CSMD1: variants seen among roughly 807,000 people sequenced by gnomAD.
The protein encoded by CSMD1 is CUB and sushi domain-containing protein 1.
CSMD1 carries 213 observed loss-of-function variants against 417.5 expected under a neutral mutation model. The observed-to-expected ratio is 0.51, with a 90% CI of 0.46 to 0.57. The LOEUF is 0.57. Among genes scored for constraint, CSMD1 ranks in the 20% least tolerant of loss-of-function variants. CSMD1 has a pLI of 0.00. For missense variants in CSMD1, 6,923 were observed against 4,529.7 expected, an observed-to-expected ratio of 1.53 and a Z score of -15.17; for synonymous variants, 2,862 against 1,736.8, an observed-to-expected ratio of 1.65 and a Z score of -16.11.
intron 5 of CSMD1, among the ~76,000 whole-genome samples, chr8:3,908,143 A>T (rs1392205462): frequency 6.6e-6 from 1 of 152,176 alleles, no homozygotes; most frequent in East Asian, 1.9e-4. Context: ...ATACATGGCA[A>T]TCACTATAAA....
rs182490711 is a variant in CSMD1, at chr8:3,767,723, C to T, written c.819-13681G>A. On this transcript the variant is annotated intron_variant, in intron 5 of 69. Transcript: ENST00000635120. ...ACAGTGTATGTCTACATATACTTTGCGTTAAGAGAAGTGAACCTTAAGATG... is the reference window on the plus strand; with the variant it reads ...ACAGTGTATGTCTACATATACTTTGTGTTAAGAGAAGTGAACCTTAAGATG... Among the ~76,000 whole-genome samples, 7 of 152,190 alleles carry T rather than the reference C, an allele frequency of 4.6e-5. No homozygotes were observed. The East Asian group carries it at 7.7e-4, about 17-fold the overall frequency.
At chr8:4,651,101 C>G (rs1304099597) in intron 1 of CSMD1, among the ~76,000 whole-genome samples, 1 of 151,966 alleles carries the variant, frequency 6.6e-6, no homozygotes, top group Non-Finnish European at 1.5e-5. Context: ...TAACATGATG[C>G]CAAGCGAATG....
chr8:3,948,459 C>G (rs954534416), intron 5 of CSMD1, among the ~76,000 whole-genome samples: 3 of 151,980 alleles, frequency 2.0e-5, no homozygotes, highest in South Asian at 2.1e-4. Context: ...GAATGTGACC[C>G]TTCTTTGGCA....
intron 6 of CSMD1, among the ~76,000 whole-genome samples, chr8:3,729,527 A>G (rs1802700343): frequency 6.6e-6 from 1 of 152,206 alleles, no homozygotes. Flanking sequence ...CCTGCCCAAG[A>G]GGAATCGAAG....
Position 3,155,359 on chromosome 8 carries a change from A to ATTTTTTTTTTTTTTTTTTTTTGTTTTT in CSMD1, c.5914+2537_5914+2538insAAAAACAAAAAAAAAAAAAAAAAAAAA, listed in dbSNP as rs1819455202. Reference sequence around the variant, plus strand: ...TTTTTCCTTCCAAATCAAGGCTGGGATTTTTTTTTTTTTTTTTTTTTTTTT... The same window carrying ATTTTTTTTTTTTTTTTTTTTTGTTTTT: ...TTTTTCCTTCCAAATCAAGGCTGGGATTTTTTTTTTTTTTTTTTTTTGTTTTTTTTTTTTTTTTTTTTTTTTTTTTTT... On this transcript the variant is annotated intron_variant, in intron 39 of 69. Coordinates refer to ENST00000635120, the MANE Select transcript of CSMD1 (RefSeq NM_033225.6). Among the ~76,000 whole-genome samples, 2 of 43,316 alleles carry ATTTTTTTTTTTTTTTTTTTTTGTTTTT rather than the reference A, an allele frequency of 4.6e-5. 1 individual carries two copies. Among genetic ancestry groups the ATTTTTTTTTTTTTTTTTTTTTGTTTTT allele is most frequent in the Non-Finnish European group, 9.4e-5 (2 of 21,376 alleles). The allele number at this position is 43,316 out of a possible 152,430, so 28.4% of individuals were successfully genotyped here. A position where few individuals can be genotyped will look rare whatever the true frequency, so the allele number is the denominator to read the frequency against.
At chr8:4,196,009 A>T (rs923615807) in intron 3 of CSMD1, among the ~76,000 whole-genome samples, 2 of 152,034 alleles carry the variant, frequency 1.3e-5, no homozygotes, top group African/African-American at 4.8e-5. Flanking sequence ...CATGCGATCG[A>T]GACCATCCTG....
At chr8:4,549,129 A>G (rs1797754681) in intron 2 of CSMD1, among the ~76,000 whole-genome samples, 1 of 152,124 alleles carries the variant, frequency 6.6e-6, no homozygotes, top group South Asian at 2.1e-4. Context: ...AAAAAATAGC[A>G]TCTTGCCCCA....
At chr8:2,945,890 G>T (rs181926520) in intron 68 of CSMD1, among the ~76,000 whole-genome samples, 48 of 152,282 alleles carry the variant, frequency 3.2e-4, no homozygotes, top group Admixed American at 9.8e-4. Flanking sequence ...CTTTGCACAT[G>T]TGATAAGCTA....
chr8:3,992,868 A>G (rs1333810841), intron 5 of CSMD1, among the ~76,000 whole-genome samples: 1 of 152,274 alleles, frequency 6.6e-6, no homozygotes, highest in Non-Finnish European at 1.5e-5. Flanking sequence ...GGTCTCCTCC[A>G]TATTCATAAA....
intron 40 of CSMD1, among the ~76,000 whole-genome samples, chr8:3,143,113 A>G (rs1465842363): frequency 6.6e-6 from 1 of 152,184 alleles, no homozygotes; most frequent in Non-Finnish European, 1.5e-5. Context: ...AACAACAACA[A>G]CAACAACAAT....
At chr8:4,923,949 T>C (rs993429655) in intron 1 of CSMD1, among the ~76,000 whole-genome samples, 27 of 152,216 alleles carry the variant, frequency 1.8e-4, no homozygotes, top group African/African-American at 5.5e-4. Flanking sequence ...TAGCAAGCTA[T>C]TCTCAACCTT....
chr8:4,245,080 G>A (rs977261666), intron 3 of CSMD1, among the ~76,000 whole-genome samples: 7 of 152,092 alleles, frequency 4.6e-5, no homozygotes, highest in African/African-American at 1.4e-4. Flanking sequence ...TTGCCAACCT[G>A]TCTGGAATGA....
intron 5 of CSMD1, among the ~76,000 whole-genome samples, chr8:3,975,167 G>T (rs997360320): frequency 6.6e-6 from 1 of 152,138 alleles, no homozygotes; most frequent in African/African-American, 2.4e-5. Flanking sequence ...TCATCTTACA[G>T]TATGATTTTC....
At chr8:3,198,752 C>A (rs1402753023) in intron 33 of CSMD1, among the ~76,000 whole-genome samples, 1 of 152,104 alleles carries the variant, frequency 6.6e-6, no homozygotes, top group African/African-American at 2.4e-5. Context: ...TGTTATACTC[C>A]ACCTTTTTAA....
rs1198054571 is a variant in CSMD1, at chr8:3,708,939, C to G, written c.932-448G>C. Among the ~76,000 whole-genome samples the G allele has an allele frequency of 2.6e-5, 4 of 152,088 alleles. No homozygotes were observed. The East Asian group carries it at 5.8e-4, about 22-fold the overall frequency. On this transcript the variant is annotated intron_variant, in intron 6 of 69. Transcript: ENST00000635120. ...ATTCATGTATTCATATATTCATTTA[C>G]TCACAGTTTAGCGAATCTGTGTGGG...
intron 37 of CSMD1, among the ~76,000 whole-genome samples, chr8:3,170,960 T>A (rs151316558): frequency 4.6e-5 from 7 of 152,314 alleles, no homozygotes; most frequent in Non-Finnish European, 1.0e-4. Flanking sequence ...CACACAATGT[T>A]GAACCACTGA....
At chr8:4,041,423 G>C (rs1455936569) in intron 3 of CSMD1, among the ~76,000 whole-genome samples, 4 of 152,218 alleles carry the variant, frequency 2.6e-5, no homozygotes, top group South Asian at 4.1e-4. Context: ...TACGAAAAAA[G>C]CAACTTCTTT....
intron 5 of CSMD1, among the ~76,000 whole-genome samples, chr8:3,928,169 C>G (rs1251155098): frequency 6.6e-6 from 1 of 152,022 alleles, no homozygotes; most frequent in Non-Finnish European, 1.5e-5. Flanking sequence ...TTCAATGAAG[C>G]AGCTCAGAAA....
intron 65 of CSMD1, among the ~76,000 whole-genome samples, chr8:2,951,790 C>T (rs902912029): frequency 6.6e-6 from 1 of 152,130 alleles, no homozygotes; most frequent in African/African-American, 2.4e-5. Context: ...AAGACAAAGC[C>T]CTTTCACTTC....
Sources: allele counts gnomAD v4.1 joint callset (sites outside exome capture counted in the v4.1 genomes callset), GRCh38; gene constraint gnomAD v4.1.1; transcripts MANE v1.5; gene names NCBI Gene and HGNC (gene_info 2026-07-23, HGNC 2026-07-21).